Variants in ZBTB20 observed in about 807,000 individuals in gnomAD.
ZBTB20 encodes zinc finger and BTB domain containing 20.
ZBTB20 carries 9 observed loss-of-function variants against 56.9 expected under a neutral mutation model. The ratio of observed to expected loss-of-function variants is 0.16; its 90% CI spans 0.10 to 0.28. The LOEUF (loss-of-function observed/expected upper bound fraction) is 0.28. Among genes scored for constraint, ZBTB20 ranks in the 10% least tolerant of loss-of-function variants. ZBTB20 has a pLI of 1.00. For missense variants in ZBTB20, 655 were observed against 1,003.0 expected, an observed-to-expected ratio of 0.65 and a Z score of 4.69; for synonymous variants, 417 against 420.7, an observed-to-expected ratio of 0.99 and a Z score of 0.11.
At chr3:114,380,697 TGAC>T in intron 9 of ZBTB20, 77 bp downstream of exon 9, 1 of 1,448,342 alleles carries the variant, frequency 6.9e-7, no homozygotes, top group Non-Finnish European at 9.0e-7. Context: ...TACGTATGGC[TGAC>T]ATTATCCAAG....
At chr3:114,493,878 T>C (rs2043005573) in intron 7 of ZBTB20, among the ~76,000 whole-genome samples, 1 of 152,238 alleles carries the variant, frequency 6.6e-6, no homozygotes, top group Non-Finnish European at 1.5e-5. Context: ...AGAGACTATG[T>C]TAATATTCCT....
At chr3:115,084,971 T>TTTGTTG (rs748611015) in intron 1 of ZBTB20, among the ~76,000 whole-genome samples, 119 of 151,940 alleles carry the variant, frequency 7.8e-4, no homozygotes, top group South Asian at 2.7e-3. Flanking sequence ...CCTGTTTTGT[T>TTTGTTG]TTGTTGTTGT....
intron 10 of ZBTB20, among the ~76,000 whole-genome samples, chr3:114,373,829 C>T (rs375339635): frequency 5.3e-5 from 8 of 151,986 alleles, no homozygotes; most frequent in Non-Finnish European, 7.4e-5. Flanking sequence ...TGAATAAGAA[C>T]GACTACCAGA....
intron 7 of ZBTB20, among the ~76,000 whole-genome samples, chr3:114,404,267 A>T (rs1356322361): frequency 1.3e-5 from 2 of 152,148 alleles, no homozygotes; most frequent in African/African-American, 4.8e-5. Context: ...ATTTTTCCTC[A>T]TCCTTCCCAC....
At chr3:114,684,000 G>A (rs746041369) in intron 6 of ZBTB20, among the ~76,000 whole-genome samples, 5 of 152,096 alleles carry the variant, frequency 3.3e-5, no homozygotes, top group Non-Finnish European at 5.9e-5. Context: ...GGAAGGTTAG[G>A]CTGCATCTTC....
In ZBTB20 at chr3:115,009,595, T is replaced by C. The variant is rs1001352643; in HGVS notation, c.-506-35179A>G. Among the ~76,000 whole-genome samples, 18 of 152,068 alleles carry C rather than the reference T, an allele frequency of 1.2e-4. 1 individual carries two copies. The Middle Eastern group carries it at 0.01, about 86-fold the overall frequency. On this transcript the variant is annotated intron_variant, in intron 2 of 11. Coordinates refer to ENST00000675478, the MANE Select transcript of ZBTB20 (RefSeq NM_001348800.3). Reference sequence around the variant, plus strand: ...AGGTATTTACTGTGATTTGAATGTATCCCTCAAAGTTCATGTGTTGGAAAC... The same window carrying C: ...AGGTATTTACTGTGATTTGAATGTACCCCTCAAAGTTCATGTGTTGGAAAC...
In ZBTB20 at chr3:114,448,533, G is replaced by T. The variant is rs189228012; in HGVS notation, c.-255+51819C>A. 1.6e-3 allele frequency among the ~76,000 whole-genome samples: 240 copies of T among 152,088 alleles called. 2 individuals are homozygous for T. Among genetic ancestry groups the T allele is most frequent in the African/African-American group, 5.5e-3 (229 of 41,492 alleles). On this transcript the variant is annotated intron_variant, in intron 7 of 11. Transcript: ENST00000675478. Reference sequence around the variant, plus strand: ...TTGAAAGCTTTCCAAGAGATTGCAGGTTAAAAAATCTCTTCTTCAGAATAC... The same window carrying T: ...TTGAAAGCTTTCCAAGAGATTGCAGTTTAAAAAATCTCTTCTTCAGAATAC...
At chr3:114,937,971 G>C (rs2076600357) in intron 3 of ZBTB20, among the ~76,000 whole-genome samples, 1 of 151,658 alleles carries the variant, frequency 6.6e-6, no homozygotes. Flanking sequence ...GGTGGTGGGC[G>C]CCTGTAGTCT....
intron 2 of ZBTB20, among the ~76,000 whole-genome samples, chr3:115,022,762 T>C (rs1392960010): frequency 6.6e-6 from 1 of 151,040 alleles, no homozygotes; most frequent in African/African-American, 2.4e-5. Context: ...CCATTTATCT[T>C]GGGTGGTTTT....
At chr3:114,998,186 A>C (rs1221649052) in intron 2 of ZBTB20, among the ~76,000 whole-genome samples, 1 of 151,734 alleles carries the variant, frequency 6.6e-6, no homozygotes, top group Non-Finnish European at 1.5e-5. Context: ...TTACATAACC[A>C]TGTACATTAT....
At chr3:114,448,461 CAGAT>C (rs980987222) in intron 7 of ZBTB20, among the ~76,000 whole-genome samples, 1 of 151,908 alleles carries the variant, frequency 6.6e-6, no homozygotes, top group Non-Finnish European at 1.5e-5. Flanking sequence ...TGAGGGCAAA[CAGAT>C]GGATCAAGGA....
intron 6 of ZBTB20, among the ~76,000 whole-genome samples, chr3:114,678,827 T>G (rs1200050326): frequency 1.3e-5 from 2 of 152,202 alleles, no homozygotes; most frequent in African/African-American, 4.8e-5. Flanking sequence ...TATTATGTGC[T>G]AGGCCTTATA....
At chr3:115,082,154 C>T (rs2082818959) in intron 1 of ZBTB20, among the ~76,000 whole-genome samples, 5 of 152,162 alleles carry the variant, frequency 3.3e-5, no homozygotes, top group Admixed American at 2.6e-4. Flanking sequence ...GTTAATCATT[C>T]AAATGGCTAA....
intron 6 of ZBTB20, among the ~76,000 whole-genome samples, chr3:114,638,720 A>C (rs961801574): frequency 9.2e-5 from 14 of 152,232 alleles, no homozygotes; most frequent in South Asian, 2.1e-4. Context: ...AAAAAGGAAA[A>C]TTTGATTCTA....
At chr3:115,105,903 C>T (rs1293776957) in intron 1 of ZBTB20, among the ~76,000 whole-genome samples, 3 of 151,060 alleles carry the variant, frequency 2.0e-5, no homozygotes, top group Non-Finnish European at 4.4e-5. Context: ...CTGCAATCTT[C>T]GCCTCCCCAG....
intron 6 of ZBTB20, among the ~76,000 whole-genome samples, chr3:114,627,852 T>G (rs1423838908): frequency 6.6e-6 from 1 of 152,208 alleles, no homozygotes; most frequent in South Asian, 2.1e-4. Context: ...TCCCCACAGA[T>G]GCTGAATTCT....
At chr3:115,064,056 AAT>A (rs1301988968) in intron 2 of ZBTB20, among the ~76,000 whole-genome samples, 2 of 152,100 alleles carry the variant, frequency 1.3e-5, no homozygotes, top group East Asian at 3.9e-4. Flanking sequence ...AACCTCTATA[AAT>A]ATAATATTTC....
intron 6 of ZBTB20, among the ~76,000 whole-genome samples, chr3:114,606,774 G>A (rs1370806957): frequency 6.6e-6 from 1 of 151,994 alleles, no homozygotes; most frequent in African/African-American, 2.4e-5. Context: ...GCAACTGCAA[G>A]CCATGGCTAT....
chr3:115,119,553 T>C (rs763233416), intron 1 of ZBTB20, among the ~76,000 whole-genome samples: 32 of 152,222 alleles, frequency 2.1e-4, no homozygotes, highest in Non-Finnish European at 3.1e-4. Context: ...GTGCCACAAC[T>C]CATACACCAG....
Sources: gnomAD v4.1 joint callset for allele counts (sites outside exome capture counted in the v4.1 genomes callset) on GRCh38, gnomAD v4.1.1 for gene constraint, MANE v1.5 for transcripts, NCBI Gene and HGNC (gene_info 2026-07-23, HGNC 2026-07-21) for gene names.